The following RNASEH2A variants were observed in gnomAD, a reference collection of about 807,000 sequenced individuals.
RNASEH2A encodes ribonuclease H2 subunit A.
In RNASEH2A, 30 loss-of-function variants were observed where a neutral mutation model predicts 32.7. The ratio of observed to expected loss-of-function variants is 0.92; its 90% CI spans 0.69 to 1.25. The LOEUF (loss-of-function observed/expected upper bound fraction) is 1.25, where lower values mean the gene tolerates loss of function less well. Ranked by LOEUF, RNASEH2A falls within the 50% of genes most tolerant of loss-of-function variation. The pLI, the probability that RNASEH2A is intolerant of heterozygous loss-of-function variation, is 0.00. For synonymous variants in RNASEH2A, 147 were observed against 165.4 expected, an observed-to-expected ratio of 0.89 and a Z score of 0.86; for missense variants, 409 against 398.1, an observed-to-expected ratio of 1.03 and a Z score of -0.23.
At chr19:12,807,609 C>T (rs1162544486) in intron 4 of RNASEH2A, 103 bp downstream of exon 4, 4 of 993,824 alleles carry the variant, frequency 4.0e-6, no homozygotes, top group African/African-American at 3.2e-5. Flanking sequence ...CACAGCACTC[C>T]ATCCTGGGTG....
chr19:12,812,298 TG>T (rs1224693788), intron 6 of RNASEH2A, among the ~76,000 whole-genome samples: 1 of 150,580 alleles, frequency 6.6e-6, no homozygotes, highest in African/African-American at 2.4e-5. Flanking sequence ...GAGGCTGAGG[TG>T]GGTGGATCAC....
intron 4 of RNASEH2A, among the ~76,000 whole-genome samples, chr19:12,809,009 C>T (rs569333248): frequency 2.0e-5 from 3 of 152,062 alleles, no homozygotes; most frequent in South Asian, 2.1e-4. Flanking sequence ...GCAGAGCTGG[C>T]GATACAGTAA....
Position 12,806,633 on chromosome 19 carries a change from C to T in RNASEH2A, c.-41C>T, listed in dbSNP as rs1340406085. 1.9e-6 allele frequency: 3 copies of T among 1,562,478 alleles called. No homozygotes were observed. Among genetic ancestry groups the T allele is most frequent in the Admixed American group, 1.9e-5 (1 of 52,136 alleles). ...AAACGCGCGCCGAGACCCGCTCCTG[C>T]AGTATTAGTTCTTGCAGCTGGTGGT... On this transcript the variant is annotated 5_prime_UTR_variant, in exon 1 of 8. Coordinates refer to ENST00000221486, the MANE Select transcript of RNASEH2A (RefSeq NM_006397.3).
intron 1 of RNASEH2A, 75 bp downstream of exon 1, chr19:12,806,875 A>G: frequency 6.3e-7 from 1 of 1,596,898 alleles, no homozygotes; most frequent in Non-Finnish European, 8.5e-7. Context: ...ATTGCACTGC[A>G]CCAAGGGAGG....
Position 12,807,440 on chromosome 19 carries a change from C to T in RNASEH2A, c.345C>T (p.Ser115=), listed in dbSNP as rs775205633. 1 of 1,614,170 alleles carries T rather than the reference C, an allele frequency of 6.2e-7. No homozygotes were observed. Among genetic ancestry groups the T allele is most frequent in the Admixed American group, 1.7e-5 (1 of 60,022 alleles). ...ACAGGGTCAAATACAACCTGAACTC[C>T]CTGTCACATGATACAGCCACTGGGC... The part of the protein sequence containing the change: ...MLGRVKYNLN[S]LSHDTATGLI... The change falls in exon 4 of 8, where the codon TCC becomes TCT. Residue 115 remains serine (S), a synonymous_variant. Transcript: ENST00000221486.
intron 4 of RNASEH2A, 111 bp downstream of exon 4, chr19:12,807,617 G>C (rs1161940125): frequency 2.1e-6 from 2 of 956,386 alleles, no homozygotes; most frequent in Non-Finnish European, 3.3e-6. Flanking sequence ...TCCATCCTGG[G>C]TGACAAAGGA....
chr19:12,810,550 G>GA, intron 6 of RNASEH2A, 146 bp downstream of exon 6: 1 of 869,598 alleles, frequency 1.1e-6, no homozygotes, highest in South Asian at 1.5e-5. Flanking sequence ...TATTTTTTGA[G>GA]ACGGAGTTTC....
chr19:12,810,949 C>T (rs926751847), intron 6 of RNASEH2A, among the ~76,000 whole-genome samples: 4 of 152,000 alleles, frequency 2.6e-5, no homozygotes, highest in Admixed American at 1.3e-4. Context: ...AGCCATGAGC[C>T]ACCACCCCTG....
Position 12,806,618 on chromosome 19 carries a change from C to G in RNASEH2A, c.-56C>G, listed in dbSNP as rs962441482. The G allele has an allele frequency of 8.4e-6, 13 of 1,553,568 alleles. No individual in the cohort carries two copies. Among genetic ancestry groups the G allele is most frequent in the South Asian group, 3.6e-5 (3 of 84,264 alleles). ...TTCGAGGCCCGCGGAAAACGCGCGC[C>G]GAGACCCGCTCCTGCAGTATTAGTT... On this transcript the variant is annotated 5_prime_UTR_variant, in exon 1 of 8. Coordinates refer to ENST00000221486, the MANE Select transcript of RNASEH2A (RefSeq NM_006397.3).
rs779678489 is a variant in RNASEH2A at position 12,807,219 on chromosome 19, A to G, written c.213A>G (p.Leu71=). Residue 71 remains leucine (L), a synonymous_variant, in exon 3 of 8, where the codon CTA becomes CTG. Transcript: ENST00000221486. The part of the protein sequence containing the change: ...EALKVADSKT[L]LESERERLFA... ...ACCTCCTCCCAGACTCAAAGACCCT[A>G]TTGGAGAGCGAGCGGGAAAGGCTGT... 39 of 1,614,174 alleles carry G rather than the reference A, an allele frequency of 2.4e-5. No homozygotes were observed. The East Asian group carries it at 8.0e-4, about 33-fold the overall frequency.
chr19:12,809,217 AAAAAAT>A lies in RNASEH2A; in HGVS notation c.412-848_412-843del, dbSNP rs1322871400. 2.6e-5 allele frequency among the ~76,000 whole-genome samples: 4 copies of A among 152,334 alleles called. No homozygotes were observed. In the South Asian group the frequency reaches 8.3e-4, roughly 32 times the overall value. The stretch of plus-strand genomic sequence containing the variant: ...GTGAAACCCCATCTCTACTAAAAAT[AAAAAAT>A]AAAAAAATAAAACATGAAAGATGGT... On this transcript the variant is annotated intron_variant, in intron 4 of 7. Coordinates refer to ENST00000221486, the MANE Select transcript of RNASEH2A (RefSeq NM_006397.3).
At chr19:12,807,669 C>G in intron 4 of RNASEH2A, 163 bp downstream of exon 4, 1 of 697,138 alleles carries the variant, frequency 1.4e-6, no homozygotes, top group South Asian at 1.6e-5. Flanking sequence ...CAGTGGCTCA[C>G]GCCTATAATC....
chr19:12,806,801 G>C lies in RNASEH2A; in HGVS notation c.127+1G>C. 5.1e-6 allele frequency: 8 copies of C among 1,581,778 alleles called. No homozygotes were observed. The highest frequency in any genetic ancestry group is 6.9e-6 in the Non-Finnish European group (8 of 1,164,248). On this transcript the variant is annotated splice_donor_variant, in intron 1 of 7. Coordinates refer to ENST00000221486, the MANE Select transcript of RNASEH2A (RefSeq NM_006397.3). LOFTEE classifies it high-confidence loss of function. ...GAGGCGGGCAGGGGCCCCGTGCTGG[G>C]TGCGCCCCTAGGGCCAGGGAGGGGA...
chr19:12,811,943 ATAT>A lies in RNASEH2A; in HGVS notation c.638-1138_638-1136del, dbSNP rs1599536444. ...AATAATAATAATAATAATAATAATA[ATAT>A]TTAATGACAGGCTGGGCCAGGTGGC... On this transcript the variant is annotated intron_variant, in intron 6 of 7. Transcript: ENST00000221486. Among the ~76,000 whole-genome samples, 7 of 151,026 alleles carry A rather than the reference ATAT, an allele frequency of 4.6e-5. No individual in the cohort carries two copies. In the East Asian group the frequency reaches 1.4e-3, roughly 30 times the overall value.
chr19:12,810,201 G>C lies in RNASEH2A; in HGVS notation c.542G>C (p.Cys181Ser), dbSNP rs201041092. The C allele has an allele frequency of 6.2e-7, 1 of 1,614,086 alleles. No individual in the cohort carries two copies. Among genetic ancestry groups the C allele is most frequent in the East Asian group, 2.2e-5 (1 of 44,896 alleles). The change falls in exon 5 of 8, where the codon TGT (cysteine) becomes TCT (serine). Residue 181 changes from cysteine to serine, a missense_variant. Cys to Ser is a moderately radical substitution (Grantham distance 112). Coordinates refer to ENST00000221486, the MANE Select transcript of RNASEH2A (RefSeq NM_006397.3). ...CCGGTGGTTAGTGCTGCCAGCATCT[G>C]TGCCAAGGTCAGTACCCTACTAGCC... ...LYPVVSAASI[C>S]AKVARDQAVK... is the part of the protein sequence containing the mutation.
rs7257575 is a variant in RNASEH2A at position 12,810,121 on chromosome 19, G to A, written c.462G>A (p.Gln154=). Residue 154 remains glutamine (Q), a synonymous_variant, in exon 5 of 8, where the codon CAG becomes CAA. Coordinates refer to ENST00000221486, the MANE Select transcript of RNASEH2A (RefSeq NM_006397.3). ...GMPETYQARL[Q]QSFPGIEVTV... ...CAGAGACATACCAGGCGCGGCTGCA[G>A]CAAAGTTTTCCCGGGATTGAGGTGA... 63,848 of 1,614,120 alleles carry A rather than the reference G, an allele frequency of 0.04. 1,944 individuals carry two copies. Among genetic ancestry groups the A allele is most frequent in the African/African-American group, 0.15 (11,041 of 74,984 alleles).
chr19:12,812,984 A>T, intron 6 of RNASEH2A, 99 bp from the exon 7 acceptor site: 1 of 1,545,630 alleles, frequency 6.5e-7, no homozygotes, highest in Non-Finnish European at 8.9e-7. Flanking sequence ...CAGCCTGGCT[A>T]CAGAGTGGGA....
chr19:12,807,038 C>T lies in RNASEH2A; in HGVS notation c.158C>T (p.Pro53Leu). 1 of 1,614,106 alleles carries T rather than the reference C, an allele frequency of 6.2e-7. No homozygotes were observed. The highest frequency in any genetic ancestry group is 8.5e-7 in the Non-Finnish European group (1 of 1,180,016). Residue 53 changes from proline (P) to leucine (L), a missense_variant, in exon 2 of 8, where the codon CCC becomes CTC. Coordinates refer to ENST00000221486, the MANE Select transcript of RNASEH2A (RefSeq NM_006397.3). Reference protein sequence around the residue: ...GPMVYAICYCPLPRLADLEAL... With the variant: ...GPMVYAICYCLLPRLADLEAL... ...ATGGTCTACGCCATCTGTTATTGTC[C>T]CCTGCCTCGCCTGGCAGATCTGGAG...
chr19:12,813,099 G>A lies in RNASEH2A; in HGVS notation c.654G>A (p.Ala218=), dbSNP rs779317641. 3.1e-6 allele frequency: 5 copies of A among 1,614,002 alleles called. No homozygotes were observed. The highest frequency in any genetic ancestry group is 2.2e-5 in the East Asian group (1 of 44,900). The change falls in exon 7 of 8, where the codon GCG becomes GCA. Residue 218 remains alanine (A), a synonymous_variant. Coordinates refer to ENST00000221486, the MANE Select transcript of RNASEH2A (RefSeq NM_006397.3). ...SGYPNDPKTK[A]WLKEHVEPVF... Reference sequence around the variant, plus strand: ...CTACCCCAGATCCCAAGACAAAAGCGTGGTTGAAGGAGCACGTGGAGCCTG... The same window carrying A: ...CTACCCCAGATCCCAAGACAAAAGCATGGTTGAAGGAGCACGTGGAGCCTG...
Sources: gnomAD v4.1 joint callset for allele counts (sites outside exome capture counted in the v4.1 genomes callset) on GRCh38, gnomAD v4.1.1 for gene constraint, MANE v1.5 for transcripts, NCBI Gene and HGNC (gene_info 2026-07-23, HGNC 2026-07-21) for gene names.